PAPPA: variants seen among roughly 807,000 people sequenced by gnomAD.
The protein encoded by PAPPA is pappalysin 1.
Under a neutral mutation model 164.0 loss-of-function variants are expected in PAPPA, and 60 were observed. The ratio of observed to expected loss-of-function variants is 0.37; its 90% CI spans 0.30 to 0.45. The LOEUF (loss-of-function observed/expected upper bound fraction) is 0.45, where lower values mean the gene tolerates loss of function less well. Among genes scored for constraint, PAPPA ranks in the 20% least tolerant of loss-of-function variants. The probability of loss-of-function intolerance (pLI) is 1.00; values close to 1 mark genes in which losing one functional copy is unlikely to be tolerated. For synonymous variants in PAPPA, 875 were observed against 814.1 expected (o/e 1.07, Z -1.27); for missense variants, 1,782 against 2,087.3 (o/e 0.85, Z 2.85).
At chr9:116,345,071 T>C (rs919949269) in intron 14 of PAPPA, among the ~76,000 whole-genome samples, 2 of 152,220 alleles carry the variant, frequency 1.3e-5, no homozygotes, top group African/African-American at 4.8e-5. Context: ...CCTCTGTCAA[T>C]GAGATGCTCA....
At chr9:116,217,929 C>T (rs1358110227) in intron 4 of PAPPA, among the ~76,000 whole-genome samples, 1 of 152,140 alleles carries the variant, frequency 6.6e-6, no homozygotes, top group East Asian at 1.9e-4. Context: ...CTGCATGTAA[C>T]CTATTTGGTG....
At chr9:116,243,561 C>T (rs1477116672) in intron 7 of PAPPA, among the ~76,000 whole-genome samples, 2 of 152,086 alleles carry the variant, frequency 1.3e-5, no homozygotes, top group Admixed American at 6.6e-5. Flanking sequence ...TTGCCTGACC[C>T]CAAAGGGTGT....
intron 1 of PAPPA, among the ~76,000 whole-genome samples, chr9:116,173,328 C>T (rs1166918939): frequency 6.6e-6 from 1 of 152,172 alleles, no homozygotes; most frequent in Non-Finnish European, 1.5e-5. Flanking sequence ...TCACCCTCTT[C>T]ATTAATGAGT....
At chr9:116,362,020 T>C (rs1846433530) in intron 17 of PAPPA, among the ~76,000 whole-genome samples, 1 of 151,606 alleles carries the variant, frequency 6.6e-6, no homozygotes, top group African/African-American at 2.4e-5. Flanking sequence ...ATTGTTGGAA[T>C]GGAATGAAAT....
At chr9:116,382,706 C>CA (rs1289552544) in intron 21 of PAPPA, among the ~76,000 whole-genome samples, 1 of 152,040 alleles carries the variant, frequency 6.6e-6, no homozygotes, top group African/African-American at 2.4e-5. Context: ...ATGTGGTTCT[C>CA]AAAGCTTAGA....
At position 116,396,916 on chromosome 9, in the gene PAPPA, C is replaced by T. The variant is rs774672278; in HGVS notation, c.*300C>T. The T allele has an allele frequency of 4.8e-6, 2 of 413,640 alleles. No homozygotes were observed. The highest frequency in any genetic ancestry group is 8.8e-6 in the Non-Finnish European group (2 of 226,732). The allele number at this position is 413,640 out of a possible 1,614,324, so 25.6% of individuals were successfully genotyped here. A position where few individuals can be genotyped will look rare whatever the true frequency, so the allele number is the denominator to read the frequency against. Reference sequence around the variant, plus strand: ...TTTGTCACACAACCACAGCAAGAAACGTGTTCTATATCTAGAGTGTGCCCA... The same window carrying T: ...TTTGTCACACAACCACAGCAAGAAATGTGTTCTATATCTAGAGTGTGCCCA... On this transcript the variant is annotated 3_prime_UTR_variant, in exon 22 of 22. Transcript: ENST00000328252.
At chr9:116,263,579 C>T (rs1278161488) in intron 7 of PAPPA, among the ~76,000 whole-genome samples, 1 of 152,132 alleles carries the variant, frequency 6.6e-6, no homozygotes, top group African/African-American at 2.4e-5. Context: ...AAATGTTCGT[C>T]ATAGGCTGGG....
chr9:116,361,188 G>T (rs1846422016), intron 17 of PAPPA, among the ~76,000 whole-genome samples: 1 of 152,208 alleles, frequency 6.6e-6, no homozygotes, highest in Admixed American at 6.5e-5. Flanking sequence ...GAAGCTGAAG[G>T]TCACAGGAAG....
chr9:116,389,697 C>T (rs1048173643), intron 21 of PAPPA, among the ~76,000 whole-genome samples: 2 of 152,004 alleles, frequency 1.3e-5, no homozygotes, highest in Non-Finnish European at 2.9e-5. Flanking sequence ...TCATGACTCA[C>T]TCCTTCACCT....
Position 116,187,035 on chromosome 9 carries a change from C to A in PAPPA, c.416-119C>A. On this transcript the variant is annotated intron_variant, in intron 1 of 21. Coordinates refer to ENST00000328252, the MANE Select transcript of PAPPA (RefSeq NM_002581.5). The surrounding 1 kb of genome is among the most constrained non-coding windows in gnomAD (Gnocchi z 4.2). The stretch of plus-strand genomic sequence containing the variant: ...TAGCAACTCCTAGGATCCCACAGAG[C>A]AGTTGGAAAGCGATGAGTCTAGGAT... 7.0e-6 allele frequency: 5 copies of A among 719,202 alleles called. No homozygotes were observed. The highest frequency in any genetic ancestry group is 1.1e-5 in the Non-Finnish European group (5 of 440,892). 44.6% of individuals were successfully genotyped at this position (719,202 alleles called of 1,614,324 possible). A position where few individuals can be genotyped will look rare whatever the true frequency, so the allele number is the denominator to read the frequency against.
At chr9:116,198,861 G>A (rs1480402667) in intron 2 of PAPPA, among the ~76,000 whole-genome samples, 3 of 152,118 alleles carry the variant, frequency 2.0e-5, no homozygotes, top group Non-Finnish European at 4.4e-5. Context: ...TTCTTTTGGA[G>A]TGCTACTCAA....
intron 9 of PAPPA, among the ~76,000 whole-genome samples, chr9:116,290,246 C>T (rs1587989597): frequency 6.6e-6 from 1 of 152,110 alleles, no homozygotes; most frequent in Admixed American, 6.5e-5. Context: ...GAGGCACACA[C>T]TTTACCTTCT....
intron 10 of PAPPA, among the ~76,000 whole-genome samples, chr9:116,324,570 T>C (rs189386756): frequency 4.6e-4 from 70 of 152,228 alleles, no homozygotes; most frequent in African/African-American, 1.6e-3. Flanking sequence ...TCTATACAAC[T>C]ATAATCTAAC....
chr9:116,166,167 CCATTTA>C (rs1345595054), intron 1 of PAPPA, among the ~76,000 whole-genome samples: 1 of 152,120 alleles, frequency 6.6e-6, no homozygotes, highest in East Asian at 1.9e-4. Context: ...GTGGTTAATT[CCATTTA>C]CCCCTGAGCA....
intron 11 of PAPPA, among the ~76,000 whole-genome samples, chr9:116,331,853 T>C (rs940411603): frequency 6.6e-6 from 1 of 152,178 alleles, no homozygotes; most frequent in Admixed American, 6.5e-5. Flanking sequence ...CCATATCTTA[T>C]TTAGCTTTCT....
chr9:116,287,929 A>T (rs1845361449), intron 9 of PAPPA, among the ~76,000 whole-genome samples: 1 of 152,198 alleles, frequency 6.6e-6, no homozygotes, highest in African/African-American at 2.4e-5. Flanking sequence ...GGGCAAACAC[A>T]TCCTTCATTT....
chr9:116,369,226 C>T (rs1474000797), intron 19 of PAPPA, among the ~76,000 whole-genome samples: 1 of 152,170 alleles, frequency 6.6e-6, no homozygotes, highest in East Asian at 1.9e-4. Context: ...GCTCTTTCAT[C>T]TGTTTCCTCC....
intron 20 of PAPPA, among the ~76,000 whole-genome samples, chr9:116,379,562 TC>T (rs1846700156): frequency 6.6e-6 from 1 of 151,908 alleles, no homozygotes; most frequent in Non-Finnish European, 1.5e-5. Context: ...CATCCATCCA[TC>T]CATCCATCCA....
chr9:116,271,204 C>G lies in PAPPA; in HGVS notation c.2862-121C>G. 1 of 673,888 alleles carries G rather than the reference C, an allele frequency of 1.5e-6. No individual in the cohort carries two copies. Among genetic ancestry groups the G allele is most frequent in the Non-Finnish European group, 2.7e-6 (1 of 373,486 alleles). The allele number at this position is 673,888 out of a possible 1,614,324, so 41.7% of individuals were successfully genotyped here. ...GAAGATGAAGAAGCAGAGACTCAGA[C>G]AGAGAAAGGGATTTGTGCAAGGTCT... On this transcript the variant is annotated intron_variant, in intron 8 of 21. Transcript: ENST00000328252. The surrounding 1 kb of genome is among the most constrained non-coding windows in gnomAD (Gnocchi z 4.2).
Sources: gnomAD v4.1 joint callset for allele counts (sites outside exome capture counted in the v4.1 genomes callset) on GRCh38, gnomAD v4.1.1 for gene constraint, Gnocchi (gnomAD v3.1) non-coding constraint, MANE v1.5 for transcripts, NCBI Gene and HGNC (gene_info 2026-07-23, HGNC 2026-07-21) for gene names.